The following KHDRBS2 variants were observed in gnomAD, a reference collection of about 807,000 sequenced individuals.
KHDRBS2 encodes KH RNA binding domain containing, signal transduction associated 2.
In KHDRBS2, 26 loss-of-function variants were observed where a neutral mutation model predicts 44.3. That is an observed-to-expected ratio of 0.59 (90% CI 0.43 to 0.81). The LOEUF is 0.81. Ranked by LOEUF, KHDRBS2 falls within the 40% of genes least tolerant of loss-of-function variation. The probability of loss-of-function intolerance (pLI) is 0.00; values close to 1 mark genes in which losing one functional copy is unlikely to be tolerated. For synonymous variants in KHDRBS2, 194 were observed against 151.1 expected, an observed-to-expected ratio of 1.28 and a Z score of -2.08; for missense variants, 476 against 433.1, an observed-to-expected ratio of 1.10 and a Z score of -0.88.
the KHDRBS2 span, among the ~76,000 whole-genome samples, chr6:61,666,693 CT>C: frequency 3.5e-3 from 527 of 151,402 alleles, 4 homozygotes; most frequent in African/African-American, 0.012. Context: ...ATTGAAAAAG[CT>C]TTTTTTCTTA....
chr6:61,916,102 T>A (rs1397267353), intron 4 of KHDRBS2, among the ~76,000 whole-genome samples: 3 of 152,074 alleles, frequency 2.0e-5, no homozygotes, highest in Admixed American at 6.6e-5. Flanking sequence ...AATTCTAAAC[T>A]TAATTCTCCT....
the KHDRBS2 span, among the ~76,000 whole-genome samples, chr6:61,604,195 G>T: frequency 2.8e-4 from 43 of 152,264 alleles, no homozygotes; most frequent in African/African-American, 9.4e-4. Flanking sequence ...CTATACAAGG[G>T]TCATCTATCA....
chr6:61,609,379 C>T, the KHDRBS2 span, among the ~76,000 whole-genome samples: 1 of 151,914 alleles, frequency 6.6e-6, no homozygotes, highest in Non-Finnish European at 1.5e-5. Context: ...ATGACGACAA[C>T]AAAAACATTA....
intron 2 of KHDRBS2, among the ~76,000 whole-genome samples, chr6:62,106,396 A>G (rs1803324047): frequency 6.6e-6 from 1 of 151,968 alleles, no homozygotes; most frequent in South Asian, 2.1e-4. Context: ...GTCTCCCATT[A>G]TTATTGTGTG....
At chr6:61,989,836 G>A (rs1201880940) in intron 3 of KHDRBS2, among the ~76,000 whole-genome samples, 1 of 152,084 alleles carries the variant, frequency 6.6e-6, no homozygotes, top group Non-Finnish European at 1.5e-5. Flanking sequence ...TTTGCCTGAG[G>A]GCTTGCTCTG....
At chr6:62,021,929 T>C (rs895419770) in intron 3 of KHDRBS2, among the ~76,000 whole-genome samples, 8 of 144,564 alleles carry the variant, frequency 5.5e-5, no homozygotes, top group Non-Finnish European at 7.6e-5. Flanking sequence ...TTTGTGTATA[T>C]ATATATATAT....
At chr6:61,610,638 T>C in the KHDRBS2 span, among the ~76,000 whole-genome samples, 1 of 152,176 alleles carries the variant, frequency 6.6e-6, no homozygotes. Context: ...AGTATTCTCA[T>C]GACACAGTAG....
the KHDRBS2 span, among the ~76,000 whole-genome samples, chr6:61,631,905 A>G: frequency 6.6e-6 from 1 of 152,104 alleles, no homozygotes; most frequent in African/African-American, 2.4e-5. Context: ...CTATAAATCA[A>G]TCCGCAAGAG....
rs1842445078 is a variant in KHDRBS2 at position 62,285,991 on chromosome 6, G to A, written c.-43C>T. The stretch of plus-strand genomic sequence containing the variant: ...GTCCCCGGGCGAAGCGCGAGGTTCC[G>A]CTCGCTCGGACGCAGGCAGGGTCTT... On this transcript the variant is annotated 5_prime_UTR_variant, in exon 1 of 9. Coordinates refer to ENST00000281156, the MANE Select transcript of KHDRBS2 (RefSeq NM_152688.4). 1.6e-6 allele frequency: 2 copies of A among 1,277,948 alleles called. No individual in the cohort carries two copies. Among genetic ancestry groups the A allele is most frequent in the Admixed American group, 1.8e-5 (1 of 56,606 alleles). 79.2% of individuals were successfully genotyped at this position (1,277,948 alleles called of 1,614,324 possible). A position where few individuals can be genotyped will look rare whatever the true frequency, so the allele number is the denominator to read the frequency against.
chr6:62,183,542 C>A (rs1157655108), intron 1 of KHDRBS2, among the ~76,000 whole-genome samples: 1 of 151,408 alleles, frequency 6.6e-6, no homozygotes, highest in East Asian at 1.9e-4. Flanking sequence ...AGAGAAGAGA[C>A]AAATTTACAA....
chr6:61,628,914 C>G, the KHDRBS2 span, among the ~76,000 whole-genome samples: 1 of 152,140 alleles, frequency 6.6e-6, no homozygotes, highest in African/African-American at 2.4e-5. Context: ...TAGATGCATA[C>G]GTTTTTCAGT....
At position 62,034,219 on chromosome 6, in the gene KHDRBS2, G is replaced by A. The variant is rs187133204; in HGVS notation, c.336+13659C>T. On this transcript the variant is annotated intron_variant, in intron 3 of 8. Coordinates refer to ENST00000281156, the MANE Select transcript of KHDRBS2 (RefSeq NM_152688.4). ...AAATAAATAAAAAAGACCAGAACCC[G>A]ATGGCTTTTACTGCTGAATTCTGCC... Among the ~76,000 whole-genome samples, 492 of 151,836 alleles carry A rather than the reference G, an allele frequency of 3.2e-3. 2 individuals are homozygous for A. The highest frequency in any genetic ancestry group is 0.011 in the African/African-American group (464 of 41,476).
At chr6:61,631,335 A>AAAAAAAAAAAAAAAAAAG in the KHDRBS2 span, among the ~76,000 whole-genome samples, 10 of 104,674 alleles carry the variant, frequency 9.6e-5, no homozygotes, top group South Asian at 3.4e-4. Context: ...AAAAAAAAAA[A>AAAAAAAAAAAAAAAAAAG]AAGACAATAC....
intron 2 of KHDRBS2, among the ~76,000 whole-genome samples, chr6:62,123,827 T>G (rs1431985133): frequency 6.6e-6 from 1 of 152,206 alleles, no homozygotes; most frequent in Non-Finnish European, 1.5e-5. Flanking sequence ...CACTTATGAA[T>G]ATTGCTCCTT....
chr6:61,615,943 C>CTT, the KHDRBS2 span, among the ~76,000 whole-genome samples: 1 of 152,064 alleles, frequency 6.6e-6, no homozygotes, highest in Non-Finnish European at 1.5e-5. Context: ...CAAAGTTGAC[C>CTT]AATCCATAAA....
At chr6:61,775,065 G>A (rs988574911) in intron 6 of KHDRBS2, among the ~76,000 whole-genome samples, 3 of 152,222 alleles carry the variant, frequency 2.0e-5, no homozygotes, top group Non-Finnish European at 2.9e-5. Flanking sequence ...AAGAGATGCA[G>A]AAAAGACCTT....
intron 2 of KHDRBS2, among the ~76,000 whole-genome samples, chr6:62,072,939 T>C (rs1795511463): frequency 6.6e-6 from 1 of 152,122 alleles, no homozygotes; most frequent in Non-Finnish European, 1.5e-5. Context: ...CTTGTACCTC[T>C]GGTAGAATTC....
intron 3 of KHDRBS2, among the ~76,000 whole-genome samples, chr6:62,020,774 G>A (rs1361448585): frequency 6.6e-6 from 1 of 151,920 alleles, no homozygotes. Context: ...GTTGATTGGT[G>A]TTATCAAATC....
intron 6 of KHDRBS2, among the ~76,000 whole-genome samples, chr6:61,806,628 C>T (rs527797063): frequency 2.5e-4 from 24 of 94,422 alleles, no homozygotes; most frequent in African/African-American, 6.2e-4. Flanking sequence ...TATTGGTATA[C>T]GGGTCTGATT....
Sources: gnomAD v4.1 joint callset for allele counts (sites outside exome capture counted in the v4.1 genomes callset) on GRCh38, gnomAD v4.1.1 for gene constraint, MANE v1.5 for transcripts, NCBI Gene and HGNC (gene_info 2026-07-23, HGNC 2026-07-21) for gene names.